Variants in EML1 observed in about 807,000 individuals in gnomAD.
The protein encoded by EML1 is EMAP like 1.
EML1 carries 27 observed loss-of-function variants against 110.4 expected under a neutral mutation model. The observed-to-expected ratio is 0.24, with a 90% CI of 0.18 to 0.34. The LOEUF (loss-of-function observed/expected upper bound fraction) is 0.34, where lower values mean the gene tolerates loss of function less well. Ranked by LOEUF, EML1 falls within the 10% of genes least tolerant of loss-of-function variation. The pLI, the probability that EML1 is intolerant of heterozygous loss-of-function variation, is 1.00. For synonymous variants in EML1, 344 were observed against 385.8 expected, an observed-to-expected ratio of 0.89 and a Z score of 1.27; for missense variants, 741 against 1,030.9, an observed-to-expected ratio of 0.72 and a Z score of 3.85.
intron 1 of EML1, among the ~76,000 whole-genome samples, chr14:99,740,459 A>G (rs924349101): frequency 6.6e-6 from 1 of 152,184 alleles, no homozygotes; most frequent in African/African-American, 2.4e-5. Context: ...ATAGCTTGCA[A>G]CCTGTAGAGA....
Position 99,911,983 on chromosome 14 carries a change from CCTCCTGGG to C in EML1, c.1494+411_1494+418del, listed in dbSNP as rs2059954559. 2.6e-5 allele frequency among the ~76,000 whole-genome samples: 4 copies of C among 151,722 alleles called. No homozygotes were observed. The South Asian group carries it at 8.3e-4, about 32-fold the overall frequency. ...TGATCACAGTTTACTGCAACCTCCC[CCTCCTGGG>C]CTCAAGTGATCCTCCCACCTCAGCC... On this transcript the variant is annotated intron_variant, in intron 13 of 21. Coordinates refer to ENST00000262233, the MANE Select transcript of EML1 (RefSeq NM_004434.3).
chr14:99,939,172 G>T lies in EML1; in HGVS notation c.2192-25G>T. ...CCCTGTGGCCCCTGGTGTTTCCAGC[G>T]CCCTGTTTGTGGTCTTTGTTTTAGG... On this transcript the variant is annotated intron_variant, in intron 20 of 21. Coordinates refer to ENST00000262233, the MANE Select transcript of EML1 (RefSeq NM_004434.3). This position sits in a 1 kb window ranked among gnomAD's most constrained non-coding sequence, Gnocchi z 4.2. 2 of 1,612,720 alleles carry T rather than the reference G, an allele frequency of 1.2e-6. No individual in the cohort carries two copies.
At chr14:99,882,825 A>G (rs1321968612) in intron 4 of EML1, among the ~76,000 whole-genome samples, 2 of 123,648 alleles carry the variant, frequency 1.6e-5, no homozygotes, top group African/African-American at 1.0e-4. Flanking sequence ...ACAAACATGA[A>G]AAAAAAAAAA....
At chr14:99,935,940 A>G (rs1183064099) in intron 17 of EML1, 89 bp from the exon 18 acceptor site, 2 of 1,246,438 alleles carry the variant, frequency 1.6e-6, no homozygotes, top group African/African-American at 3.0e-5. Flanking sequence ...GATTTTGTCT[A>G]AATCTGTGGT....
chr14:99,924,810 A>C (rs1193376145), intron 17 of EML1, among the ~76,000 whole-genome samples: 2 of 152,208 alleles, frequency 1.3e-5, no homozygotes, highest in Non-Finnish European at 2.9e-5. Flanking sequence ...GGAGTTTATC[A>C]GATGCTTTTT....
At chr14:99,755,798 G>C (rs1418068529) in intron 1 of EML1, among the ~76,000 whole-genome samples, 1 of 152,172 alleles carries the variant, frequency 6.6e-6, no homozygotes, top group Admixed American at 6.5e-5. Context: ...CATGGTAGGT[G>C]TGCGGGGACC....
At chr14:99,855,885 C>A (rs2058894410) in intron 2 of EML1, among the ~76,000 whole-genome samples, 1 of 152,128 alleles carries the variant, frequency 6.6e-6, no homozygotes, top group South Asian at 2.1e-4. Context: ...ACATCAAAAC[C>A]CTCTAGCCTC....
Position 99,939,252 on chromosome 14 carries a change from T to G in EML1, c.2247T>G (p.His749Gln), listed in dbSNP as rs1566949911. The G allele has an allele frequency of 1.2e-6, 2 of 1,614,178 alleles. No individual in the cohort carries two copies. The highest frequency in any genetic ancestry group is 1.1e-5 in the South Asian group (1 of 91,086). Residue 749 changes from histidine to glutamine, a missense_variant, in exon 21 of 22, where the codon CAT becomes CAG. Coordinates refer to ENST00000262233, the MANE Select transcript of EML1 (RefSeq NM_004434.3). The surrounding 1 kb of genome is among the most constrained non-coding windows in gnomAD (Gnocchi z 4.2). ...ACATCAATGCCGTCTGTCGGGCCCATGAGAAGAAACTCCTGTCAACAGGCG... is the reference window on the plus strand; with the variant it reads ...ACATCAATGCCGTCTGTCGGGCCCAGGAGAAGAAACTCCTGTCAACAGGCG... ...GTDINAVCRA[H>Q]EKKLLSTGDD...
Position 99,939,254 on chromosome 14 carries a change from A to G in EML1, c.2249A>G (p.Glu750Gly), listed in dbSNP as rs562625419. 6.2e-7 allele frequency: 1 copy of G among 1,614,168 alleles called. No individual in the cohort carries two copies. Among genetic ancestry groups the G allele is most frequent in the African/African-American group, 1.3e-5 (1 of 75,036 alleles). Residue 750 changes from glutamate (E) to glycine (G), a missense_variant, in exon 21 of 22, where the codon GAG becomes GGG. Around this residue, in one of 4 missense-constraint regions of EML1, gnomAD observed 114 missense variants for 122.5 expected, o/e 0.93. Transcript: ENST00000262233. The surrounding 1 kb of genome is among the most constrained non-coding windows in gnomAD (Gnocchi z 4.2). ...TDINAVCRAHEKKLLSTGDDF... is the reference protein window; with the variant it reads ...TDINAVCRAHGKKLLSTGDDF... ...ATCAATGCCGTCTGTCGGGCCCATGAGAAGAAACTCCTGTCAACAGGCGAC... is the reference window on the plus strand; with the variant it reads ...ATCAATGCCGTCTGTCGGGCCCATGGGAAGAAACTCCTGTCAACAGGCGAC...
At chr14:99,849,529 GTA>G (rs747777799) in intron 1 of EML1, among the ~76,000 whole-genome samples, 4,849 of 113,400 alleles carry the variant, frequency 0.043, 232 homozygotes, top group African/African-American at 0.13. Flanking sequence ...GTGTGTGTGT[GTA>G]TATATATTTA....
chr14:99,872,641 C>T (rs2059224968), intron 3 of EML1, among the ~76,000 whole-genome samples: 1 of 152,132 alleles, frequency 6.6e-6, no homozygotes, highest in African/African-American at 2.4e-5. Flanking sequence ...TGGGACTTCC[C>T]TTCCATTTGG....
chr14:99,821,162 G>A (rs947890403), intron 1 of EML1, among the ~76,000 whole-genome samples: 7 of 151,774 alleles, frequency 4.6e-5, no homozygotes, highest in South Asian at 2.1e-4. Context: ...GGCTAGGACC[G>A]TAGGCATGTG....
intron 8 of EML1, among the ~76,000 whole-genome samples, chr14:99,899,766 G>T (rs1485835450): frequency 2.0e-5 from 3 of 151,188 alleles, no homozygotes; most frequent in Non-Finnish European, 4.4e-5. Flanking sequence ...GAAATTAGTG[G>T]TAAGCTATTT....
At chr14:99,819,634 A>C (rs2139740432) in intron 1 of EML1, among the ~76,000 whole-genome samples, 1 of 152,288 alleles carries the variant, frequency 6.6e-6, no homozygotes, top group East Asian at 1.9e-4. Flanking sequence ...TGACGGGAAG[A>C]GGGGAGATGG....
chr14:99,741,760 C>G (rs1405407729), intron 1 of EML1, among the ~76,000 whole-genome samples: 1 of 152,124 alleles, frequency 6.6e-6, no homozygotes, highest in Non-Finnish European at 1.5e-5. Context: ...TTTATGCCAT[C>G]CCAGTCCCCA....
intron 4 of EML1, among the ~76,000 whole-genome samples, chr14:99,886,396 G>A (rs2059475554): frequency 6.6e-6 from 1 of 152,150 alleles, no homozygotes; most frequent in Non-Finnish European, 1.5e-5. Flanking sequence ...GTGAGAGGAT[G>A]GCTTGAGCCA....
At chr14:99,861,799 A>G (rs1038713168) in intron 2 of EML1, among the ~76,000 whole-genome samples, 2 of 152,160 alleles carry the variant, frequency 1.3e-5, no homozygotes, top group African/African-American at 2.4e-5. Flanking sequence ...GCATTTTTAA[A>G]TGAACTTTTT....
At chr14:99,828,908 T>C (rs760369366) in intron 1 of EML1, among the ~76,000 whole-genome samples, 12 of 152,188 alleles carry the variant, frequency 7.9e-5, no homozygotes, top group Admixed American at 1.3e-4. Context: ...CGTCTTCACG[T>C]TGAGTAGGCT....
intron 2 of EML1, among the ~76,000 whole-genome samples, chr14:99,855,955 C>T (rs1237475007): frequency 6.6e-6 from 1 of 152,176 alleles, no homozygotes; most frequent in Admixed American, 6.6e-5. Flanking sequence ...CTGTGAGAAG[C>T]CTGTGCTACA....
Sources: gnomAD v4.1 joint callset for allele counts (sites outside exome capture counted in the v4.1 genomes callset) on GRCh38, gnomAD v4.1.1 for gene constraint, gnomAD v4.1.1 regional missense constraint, Gnocchi (gnomAD v3.1) non-coding constraint, MANE v1.5 for transcripts, NCBI Gene and HGNC (gene_info 2026-07-23, HGNC 2026-07-21) for gene names.